The following MYZAP variants were observed in gnomAD, a reference collection of about 807,000 sequenced individuals.
MYZAP encodes GRINL1A complex locus upstream.
A neutral mutation model predicts 69.4 loss-of-function variants in MYZAP; 66 were observed. That is an observed-to-expected ratio of 0.95 (90% CI 0.78 to 1.17). The LOEUF (loss-of-function observed/expected upper bound fraction) is 1.17. MYZAP is among the 50% of genes most tolerant of loss of function. MYZAP has a pLI of 0.00. For missense variants in MYZAP, 611 were observed against 556.2 expected (o/e 1.10, Z -0.99); for synonymous variants, 256 against 205.9 (o/e 1.24, Z -2.09).
rs56931196 is a variant in MYZAP at position 57,645,546 on chromosome 15, C to G, written c.1119+6001C>G. On this transcript the variant is annotated intron_variant, in intron 10 of 12. Coordinates refer to ENST00000267853, the MANE Select transcript of MYZAP (RefSeq NM_001018100.5). ...AAAATAGGGTTAATAATAGTATCTA[C>G]CCAATTTTTTGTAAGAGTTAAATGA... is the stretch of plus-strand genomic sequence containing the variant. Among the ~76,000 whole-genome samples the G allele has an allele frequency of 5.1e-3, 783 of 152,218 alleles. 4 individuals carry two copies. Among genetic ancestry groups the G allele is most frequent in the African/African-American group, 0.018 (762 of 41,522 alleles).
intron 1 of MYZAP, among the ~76,000 whole-genome samples, chr15:57,603,321 T>A (rs1031958374): frequency 1.1e-4 from 16 of 151,986 alleles, no homozygotes; most frequent in Non-Finnish European, 7.4e-5. Flanking sequence ...CTTTTTTTTT[T>A]AAATTGTAGC....
intron 7 of MYZAP, among the ~76,000 whole-genome samples, 154 bp downstream of exon 7, chr15:57,632,713 C>T (rs2036581570): frequency 2.6e-5 from 4 of 151,956 alleles, no homozygotes; most frequent in African/African-American, 7.3e-5. Context: ...CTCATTCACT[C>T]CCCTCCCCTC....
chr15:57,671,621 T>C (rs1486477177), intron 11 of MYZAP, among the ~76,000 whole-genome samples: 1 of 152,170 alleles, frequency 6.6e-6, no homozygotes, highest in Non-Finnish European at 1.5e-5. Context: ...TATTAATGTA[T>C]TGTAAAATTT....
intron 10 of MYZAP, among the ~76,000 whole-genome samples, chr15:57,656,255 T>C (rs2038005782): frequency 6.6e-6 from 1 of 152,128 alleles, no homozygotes; most frequent in Non-Finnish European, 1.5e-5. Context: ...CTGAAGTCTA[T>C]GGGATGGATT....
chr15:57,684,342 A>T, intron 12 of MYZAP, 60 bp from the exon 13 acceptor site: 1 of 1,058,390 alleles, frequency 9.4e-7, no homozygotes, highest in Non-Finnish European at 1.5e-6. Flanking sequence ...TTACCATGTG[A>T]AGCATATGGG....
At chr15:57,660,555 T>A (rs1445945600) in intron 10 of MYZAP, among the ~76,000 whole-genome samples, 1 of 152,170 alleles carries the variant, frequency 6.6e-6, no homozygotes, top group Non-Finnish European at 1.5e-5. Flanking sequence ...GCTCAAGCAA[T>A]CCTCCTCCCT....
Position 57,629,971 on chromosome 15 carries a change from A to ATTTTTTTTTTTT in MYZAP, c.678+121_678+132dup, listed in dbSNP as rs59322468. The ATTTTTTTTTTTT allele has an allele frequency of 9.5e-3, 8,273 of 871,166 alleles. 211 individuals carry two copies. Among genetic ancestry groups the ATTTTTTTTTTTT allele is most frequent in the African/African-American group, 0.036 (1,556 of 43,510 alleles). The allele number at this position is 871,166 out of a possible 1,614,324, so 54.0% of individuals were successfully genotyped here. ...TTTTCTCCATTCTCTTCTTCATTGG[A>ATTTTTTTTTTTT]TTTTTTTTTTTTTTTGAGACAGAGT... is the stretch of plus-strand genomic sequence containing the variant. On this transcript the variant is annotated intron_variant, in intron 6 of 12. Transcript: ENST00000267853.
intron 1 of MYZAP, among the ~76,000 whole-genome samples, chr15:57,602,790 T>G (rs1001460529): frequency 8.0e-4 from 122 of 152,212 alleles, no homozygotes; most frequent in African/African-American, 2.7e-3. Flanking sequence ...ATCTGAAAAA[T>G]GGGGCAGGTA....
intron 9 of MYZAP, among the ~76,000 whole-genome samples, chr15:57,639,054 T>TA (rs1205501913): frequency 6.6e-6 from 1 of 152,244 alleles, no homozygotes; most frequent in Non-Finnish European, 1.5e-5. Flanking sequence ...AGTTTGTTAG[T>TA]AATCACACTA....
chr15:57,622,339 T>G (rs1235996609), intron 4 of MYZAP, among the ~76,000 whole-genome samples: 3 of 152,140 alleles, frequency 2.0e-5, no homozygotes, highest in African/African-American at 7.2e-5. Flanking sequence ...CATCATAAGA[T>G]CCACATTACT....
chr15:57,647,941 A>T, intron 10 of MYZAP: 1 of 985,316 alleles, frequency 1.0e-6, no homozygotes, highest in Non-Finnish European at 1.2e-6. Flanking sequence ...CTGCCCCGCC[A>T]CCGCTTTCCT....
At position 57,659,910 on chromosome 15, in the gene MYZAP, G is replaced by T. The variant is rs576095555; in HGVS notation, c.1120-1540G>T. 3.3e-5 allele frequency among the ~76,000 whole-genome samples: 5 copies of T among 152,144 alleles called. No homozygotes were observed. In the South Asian group the frequency reaches 1.0e-3, roughly 32 times the overall value. On this transcript the variant is annotated intron_variant, in intron 10 of 12. Transcript: ENST00000267853. ...AAGTTCTTCCCTTTCCCTATTGGTA[G>T]CTATTTATTAATAATTAGGGTTCAT...
intron 1 of MYZAP, among the ~76,000 whole-genome samples, chr15:57,600,787 A>G (rs2034358777): frequency 6.6e-6 from 1 of 152,238 alleles, no homozygotes; most frequent in Admixed American, 6.5e-5. Flanking sequence ...TCTAGATAAT[A>G]GTAAAAATAT....
At position 57,628,406 on chromosome 15, in the gene MYZAP, G is replaced by T. The variant is rs535072759; in HGVS notation, c.526-1296G>T. Among the ~76,000 whole-genome samples the T allele has an allele frequency of 6.6e-5, 10 of 152,050 alleles. No individual in the cohort carries two copies. In the East Asian group the frequency reaches 1.4e-3, roughly 21 times the overall value. ...TGCCTCAGCCTCCTGGGTAGCTGGG[G>T]CTACAGGTACACACAACCATGTCTA... On this transcript the variant is annotated intron_variant, in intron 5 of 12. Coordinates refer to ENST00000267853, the MANE Select transcript of MYZAP (RefSeq NM_001018100.5).
intron 10 of MYZAP, among the ~76,000 whole-genome samples, chr15:57,642,785 A>T (rs1256731187): frequency 6.6e-6 from 1 of 152,180 alleles, no homozygotes; most frequent in African/African-American, 2.4e-5. Context: ...ATAATAAATA[A>T]TAAAAAGTAA....
chr15:57,596,579 A>G (rs1004967318), intron 1 of MYZAP, among the ~76,000 whole-genome samples: 11 of 152,102 alleles, frequency 7.2e-5, no homozygotes, highest in African/African-American at 2.7e-4. Context: ...TCACTCTTAA[A>G]GGCCGGGGTG....
intron 8 of MYZAP, among the ~76,000 whole-genome samples, chr15:57,637,466 C>T (rs2036881189): frequency 6.6e-6 from 1 of 152,136 alleles, no homozygotes; most frequent in Non-Finnish European, 1.5e-5. Context: ...GAAAATGAAT[C>T]TTGAATGGTT....
chr15:57,627,481 G>A (rs748976239), intron 5 of MYZAP, among the ~76,000 whole-genome samples: 6 of 152,052 alleles, frequency 3.9e-5, no homozygotes, highest in Non-Finnish European at 7.4e-5. Flanking sequence ...ACCTGGTAGA[G>A]GAAGAGGGCT....
At chr15:57,618,283 A>G in intron 3 of MYZAP, 95 bp downstream of exon 3, 1 of 1,500,938 alleles carries the variant, frequency 6.7e-7, no homozygotes, top group Non-Finnish European at 8.9e-7. Flanking sequence ...GTAATAAGGC[A>G]TTTTGAAAGA....
Sources: allele counts gnomAD v4.1 joint callset (sites outside exome capture counted in the v4.1 genomes callset), GRCh38; gene constraint gnomAD v4.1.1; transcripts MANE v1.5; gene names NCBI Gene and HGNC (gene_info 2026-07-23, HGNC 2026-07-21).